NCOA2: variants seen among roughly 807,000 people sequenced by gnomAD.
NCOA2 encodes class E basic helix-loop-helix protein 75.
NCOA2 carries 21 observed loss-of-function variants against 145.1 expected under a neutral mutation model. That is an observed-to-expected ratio of 0.14 (90% CI 0.10 to 0.21). The LOEUF (loss-of-function observed/expected upper bound fraction) is 0.21, where lower values mean the gene tolerates loss of function less well. Among genes scored for constraint, NCOA2 ranks in the 10% least tolerant of loss-of-function variants. The pLI, the probability that NCOA2 is intolerant of heterozygous loss-of-function variation, is 1.00. For missense variants in NCOA2, 1,472 were observed against 1,837.6 expected (o/e 0.80, Z 3.64); for synonymous variants, 619 against 637.5 (o/e 0.97, Z 0.44).
chr8:70,235,950 G>T (rs985044149), intron 2 of NCOA2, among the ~76,000 whole-genome samples: 1 of 151,952 alleles, frequency 6.6e-6, no homozygotes. Context: ...TTATCCCTAC[G>T]GGTTTCCCAC....
intron 2 of NCOA2, among the ~76,000 whole-genome samples, chr8:70,256,069 T>C (rs970458046): frequency 3.3e-5 from 5 of 152,218 alleles, no homozygotes; most frequent in African/African-American, 9.6e-5. Context: ...CTTGACAGAA[T>C]TAACGAACTG....
At position 70,123,639 on chromosome 8, in the gene NCOA2, AT is replaced by A. The variant is rs1389927094; in HGVS notation, c.4293+244del. Among the ~76,000 whole-genome samples the A allele has an allele frequency of 8.3e-4, 127 of 152,298 alleles. 1 individual carries two copies. The highest frequency in any genetic ancestry group is 3.0e-3 in the African/African-American group (123 of 41,580). On this transcript the variant is annotated intron_variant, in intron 21 of 22. Coordinates refer to ENST00000452400, the MANE Select transcript of NCOA2 (RefSeq NM_006540.4). Reference sequence around the variant, plus strand: ...TGAATTCCTCAAGAGAAAAATGTCAATGATAAGAAAGTTACAAAATATTTTA... The same window carrying A: ...TGAATTCCTCAAGAGAAAAATGTCAAGATAAGAAAGTTACAAAATATTTTA...
intron 1 of NCOA2, among the ~76,000 whole-genome samples, chr8:70,352,186 T>C (rs1284256483): frequency 6.6e-6 from 1 of 152,208 alleles, no homozygotes; most frequent in Non-Finnish European, 1.5e-5. Context: ...GCATCTACTA[T>C]GTTCCAGGCA....
intron 4 of NCOA2, among the ~76,000 whole-genome samples, chr8:70,196,115 C>T (rs1443819987): frequency 2.0e-5 from 3 of 152,158 alleles, no homozygotes; most frequent in Non-Finnish European, 2.9e-5. Flanking sequence ...CGGTGGCTCA[C>T]GCCTGTAATC....
the NCOA2 span, among the ~76,000 whole-genome samples, chr8:70,451,367 C>T: frequency 7.1e-6 from 1 of 141,038 alleles, no homozygotes; most frequent in Non-Finnish European, 1.5e-5. Flanking sequence ...ATGATCACCC[C>T]ACTGCACTCC....
chr8:70,440,933 TG>T, the NCOA2 span, among the ~76,000 whole-genome samples: 1 of 125,546 alleles, frequency 8.0e-6, no homozygotes, highest in South Asian at 2.4e-4. Context: ...TGGTCACAGG[TG>T]GGAGAAAAGG....
chr8:70,192,059 A>G (rs1486389978), intron 4 of NCOA2, among the ~76,000 whole-genome samples: 2 of 152,240 alleles, frequency 1.3e-5, no homozygotes, highest in Non-Finnish European at 2.9e-5. Context: ...AAAAATAAAA[A>G]TAAAAACAAA....
At chr8:70,330,684 T>G (rs926085684) in intron 1 of NCOA2, among the ~76,000 whole-genome samples, 2 of 151,724 alleles carry the variant, frequency 1.3e-5, no homozygotes, top group Non-Finnish European at 2.9e-5. Context: ...TTTGGAAAAG[T>G]CTTATGTCAT....
chr8:70,110,549 TCA>T lies in NCOA2; in HGVS notation c.*3081_*3082del, dbSNP rs1025272578. ...ATACAAACACTAGAAAATTTTAAAT[TCA>T]CACCAACAATTAATGGCTTAAGTTG... On this transcript the variant is annotated 3_prime_UTR_variant, in exon 23 of 23. Coordinates refer to ENST00000452400, the MANE Select transcript of NCOA2 (RefSeq NM_006540.4). 3.9e-5 allele frequency: 8 copies of T among 205,238 alleles called. No individual in the cohort carries two copies. Among genetic ancestry groups the T allele is most frequent in the African/African-American group, 1.8e-4 (8 of 43,868 alleles). The allele number at this position is 205,238 out of a possible 1,614,324, so 12.7% of individuals were successfully genotyped here. A position where few individuals can be genotyped will look rare whatever the true frequency, so the allele number is the denominator to read the frequency against.
the NCOA2 span, among the ~76,000 whole-genome samples, chr8:70,443,669 G>T: frequency 6.6e-6 from 1 of 151,988 alleles, no homozygotes; most frequent in Admixed American, 6.6e-5. Context: ...GGGTTCAAGG[G>T]ATCCTCCCAC....
intron 2 of NCOA2, among the ~76,000 whole-genome samples, chr8:70,285,175 T>G (rs1002059097): frequency 5.3e-5 from 8 of 152,228 alleles, no homozygotes; most frequent in African/African-American, 1.9e-4. Flanking sequence ...ACTAGAGGTA[T>G]TCTTCAAATA....
intron 1 of NCOA2, among the ~76,000 whole-genome samples, chr8:70,353,428 A>C (rs1353824740): frequency 2.0e-5 from 3 of 149,616 alleles, no homozygotes; most frequent in African/African-American, 7.4e-5. Context: ...CATTATGTTT[A>C]TAAGCCAACT....
the NCOA2 span, among the ~76,000 whole-genome samples, chr8:70,426,427 T>A: frequency 2.5e-3 from 376 of 152,352 alleles, no homozygotes; most frequent in African/African-American, 8.9e-3. Flanking sequence ...TTACATGAAA[T>A]TGTACTGAAG....
In NCOA2 at chr8:70,260,766, G is replaced by C. The variant is rs1170545037; in HGVS notation, c.-20+35978C>G. 2.0e-5 allele frequency among the ~76,000 whole-genome samples: 3 copies of C among 152,152 alleles called. No homozygotes were observed. The East Asian group carries it at 5.8e-4, about 29-fold the overall frequency. On this transcript the variant is annotated intron_variant, in intron 2 of 22. Transcript: ENST00000452400. ...CAGGAACAGTAACACTTATTTTAAAGGGAATCTATTCCTTAAAAAATGGAC... is the reference window on the plus strand; with the variant it reads ...CAGGAACAGTAACACTTATTTTAAACGGAATCTATTCCTTAAAAAATGGAC...
At chr8:70,145,649 C>T (rs1032619934) in intron 12 of NCOA2, among the ~76,000 whole-genome samples, 1 of 139,930 alleles carries the variant, frequency 7.1e-6, no homozygotes, top group Non-Finnish European at 1.5e-5. Context: ...TACAGGGTCT[C>T]ACTCTGTTGT....
intron 2 of NCOA2, among the ~76,000 whole-genome samples, chr8:70,244,595 C>T (rs1406774498): frequency 6.6e-6 from 1 of 151,880 alleles, no homozygotes; most frequent in Non-Finnish European, 1.5e-5. Flanking sequence ...TCACAAAGCT[C>T]CCCTTTAAGC....
At chr8:70,300,428 G>C (rs1827400811) in intron 1 of NCOA2, among the ~76,000 whole-genome samples, 1 of 152,160 alleles carries the variant, frequency 6.6e-6, no homozygotes, top group Non-Finnish European at 1.5e-5. Flanking sequence ...CGCGTGAGTA[G>C]GGATCTAAGG....
intron 2 of NCOA2, among the ~76,000 whole-genome samples, chr8:70,223,036 A>T (rs1244874118): frequency 6.6e-6 from 1 of 152,200 alleles, no homozygotes; most frequent in African/African-American, 2.4e-5. Context: ...GGTTTTAATG[A>T]GGCCTCAGAT....
At chr8:70,449,271 A>G in the NCOA2 span, among the ~76,000 whole-genome samples, 2 of 152,240 alleles carry the variant, frequency 1.3e-5, no homozygotes, top group African/African-American at 2.4e-5. Flanking sequence ...GCTCTCATTT[A>G]TGCATTTATT....
Sources: allele counts gnomAD v4.1 joint callset (sites outside exome capture counted in the v4.1 genomes callset), GRCh38; gene constraint gnomAD v4.1.1; transcripts MANE v1.5; gene names NCBI Gene and HGNC (gene_info 2026-07-23, HGNC 2026-07-21).